Variants in GRM5 observed in about 807,000 individuals in gnomAD.
The protein encoded by GRM5 is metabotropic glutamate receptor 5.
GRM5 carries 19 observed loss-of-function variants against 83.1 expected under a neutral mutation model. The observed-to-expected ratio is 0.23, with a 90% CI of 0.16 to 0.34. The LOEUF (loss-of-function observed/expected upper bound fraction) is 0.34. Among genes scored for constraint, GRM5 ranks in the 10% least tolerant of loss-of-function variants. The pLI is 1.00. For synonymous variants in GRM5, 675 were observed against 633.6 expected (o/e 1.07, Z -0.98); for missense variants, 1,160 against 1,588.3 (o/e 0.73, Z 4.58).
intron 4 of GRM5, among the ~76,000 whole-genome samples, chr11:88,615,773 T>C (rs1184735271): frequency 6.6e-6 from 1 of 152,130 alleles, no homozygotes; most frequent in Non-Finnish European, 1.5e-5. Context: ...TACGTTAGTC[T>C]CAATATTATA....
At chr11:88,912,071 C>T (rs1308667014) in intron 2 of GRM5, 1 of 465,608 alleles carries the variant, frequency 2.1e-6, no homozygotes. Context: ...TGGCGAAGTT[C>T]AGAGGAACGT....
At chr11:88,528,383 A>G (rs971822600) in intron 8 of GRM5, among the ~76,000 whole-genome samples, 1 of 152,008 alleles carries the variant, frequency 6.6e-6, no homozygotes, top group African/African-American at 2.4e-5. Flanking sequence ...TAAATAGATC[A>G]TATTTTTATT....
At chr11:89,063,303 G>A (rs1338164076) in intron 1 of GRM5, among the ~76,000 whole-genome samples, 1 of 152,092 alleles carries the variant, frequency 6.6e-6, no homozygotes, top group Non-Finnish European at 1.5e-5. Context: ...TCCCCAACAG[G>A]TTTAATTAAG....
At chr11:88,718,540 G>A (rs574788976) in intron 3 of GRM5, among the ~76,000 whole-genome samples, 1 of 152,032 alleles carries the variant, frequency 6.6e-6, no homozygotes, top group Non-Finnish European at 1.5e-5. Context: ...AAAATCAAAA[G>A]AGGAGGAAAC....
chr11:88,654,898 G>T (rs931819180), intron 3 of GRM5, among the ~76,000 whole-genome samples: 1 of 151,906 alleles, frequency 6.6e-6, no homozygotes, highest in Non-Finnish European at 1.5e-5. Context: ...TCAGTATGCA[G>T]TGCTGTGCCA....
intron 3 of GRM5, among the ~76,000 whole-genome samples, chr11:88,694,328 T>C (rs1940853161): frequency 6.6e-6 from 1 of 152,162 alleles, no homozygotes; most frequent in African/African-American, 2.4e-5. Context: ...TATATTGCTA[T>C]TTTATATCAG....
chr11:88,988,069 G>C (rs1249993324), intron 2 of GRM5, among the ~76,000 whole-genome samples: 1 of 149,790 alleles, frequency 6.7e-6, no homozygotes, highest in African/African-American at 2.5e-5. Flanking sequence ...TCTGAGCTAC[G>C]GGAGGACATT....
intron 2 of GRM5, among the ~76,000 whole-genome samples, chr11:89,033,871 G>A (rs1276131402): frequency 1.3e-5 from 2 of 151,504 alleles, no homozygotes; most frequent in African/African-American, 2.4e-5. Flanking sequence ...GAAAAAAACA[G>A]GAATAAAAAT....
At chr11:88,862,410 AT>A (rs1168687639) in intron 2 of GRM5, among the ~76,000 whole-genome samples, 1 of 152,088 alleles carries the variant, frequency 6.6e-6, no homozygotes, top group African/African-American at 2.4e-5. Context: ...AAATATAGTC[AT>A]TTTCATAAAA....
chr11:88,746,973 A>T (rs559952935), intron 3 of GRM5, among the ~76,000 whole-genome samples: 1 of 147,574 alleles, frequency 6.8e-6, no homozygotes, highest in South Asian at 2.1e-4. Context: ...CAGAATTTTT[A>T]AAAATGTCAT....
chr11:89,059,945 C>T (rs1941955339), intron 1 of GRM5, among the ~76,000 whole-genome samples: 1 of 151,966 alleles, frequency 6.6e-6, no homozygotes, highest in Admixed American at 6.6e-5. Flanking sequence ...TATAACCCAT[C>T]CCCCAATTTG....
At chr11:88,823,950 C>T (rs1418419499) in intron 3 of GRM5, among the ~76,000 whole-genome samples, 1 of 151,982 alleles carries the variant, frequency 6.6e-6, no homozygotes, top group Non-Finnish European at 1.5e-5. Flanking sequence ...TCTTTTGGTC[C>T]TACGATCATT....
At chr11:88,574,270 T>C (rs1169365822) in intron 7 of GRM5, among the ~76,000 whole-genome samples, 5 of 152,312 alleles carry the variant, frequency 3.3e-5, no homozygotes, top group Non-Finnish European at 7.3e-5. Flanking sequence ...TTCTAGTGCA[T>C]GGATAAGTCA....
intron 2 of GRM5, among the ~76,000 whole-genome samples, chr11:89,042,332 A>G (rs1037912447): frequency 7.9e-5 from 12 of 152,164 alleles, no homozygotes; most frequent in African/African-American, 2.9e-4. Flanking sequence ...CCTGACTAAT[A>G]ATCTCCAGCA....
chr11:88,554,598 C>A (rs918097466), intron 8 of GRM5, among the ~76,000 whole-genome samples: 2 of 152,130 alleles, frequency 1.3e-5, no homozygotes, highest in African/African-American at 4.8e-5. Flanking sequence ...GAGATACTAG[C>A]CAACTTATAT....
chr11:88,596,198 G>T (rs1374567445), intron 6 of GRM5, among the ~76,000 whole-genome samples: 1 of 152,130 alleles, frequency 6.6e-6, no homozygotes, highest in African/African-American at 2.4e-5. Flanking sequence ...GCATCAAATT[G>T]GTTGTCAGCC....
chr11:88,779,508 C>T (rs1942930526), intron 3 of GRM5, among the ~76,000 whole-genome samples: 1 of 152,148 alleles, frequency 6.6e-6, no homozygotes, highest in African/African-American at 2.4e-5. Context: ...AGCAAACCCC[C>T]AATTATCTGA....
chr11:88,937,934 G>A lies in GRM5; in HGVS notation c.662-87779C>T, dbSNP rs1360857376. 3.3e-5 allele frequency among the ~76,000 whole-genome samples: 5 copies of A among 151,658 alleles called. 1 individual carries two copies. Among genetic ancestry groups the A allele is most frequent in the Non-Finnish European group, 5.9e-5 (4 of 67,720 alleles). On this transcript the variant is annotated intron_variant, in intron 2 of 9. Coordinates refer to ENST00000305447, the MANE Select transcript of GRM5 (RefSeq NM_001143831.3). ...TGTAATGATTCAATAACTTTAGATA[G>A]CACAGTTGAATTAAAATAAAATGTG...
intron 8 of GRM5, among the ~76,000 whole-genome samples, chr11:88,542,314 C>T (rs1942285404): frequency 6.6e-6 from 1 of 151,844 alleles, no homozygotes; most frequent in South Asian, 2.1e-4. Context: ...TTGTAGAACA[C>T]TAGATTAAAG....
Sources: gnomAD v4.1 joint callset for allele counts (sites outside exome capture counted in the v4.1 genomes callset) on GRCh38, gnomAD v4.1.1 for gene constraint, MANE v1.5 for transcripts, NCBI Gene and HGNC (gene_info 2026-07-23, HGNC 2026-07-21) for gene names.